EPC2: variants seen among roughly 807,000 people sequenced by gnomAD.
The protein encoded by EPC2 is enhancer of polycomb 2, also known as enhancer of polycomb homolog 2.
EPC2 carries 14 observed loss-of-function variants against 92.1 expected under a neutral mutation model. The ratio of observed to expected loss-of-function variants is 0.15; its 90% CI spans 0.10 to 0.24. EPC2 has a LOEUF of 0.24. Ranked by LOEUF, EPC2 falls within the 10% of genes least tolerant of loss-of-function variation. The pLI is 1.00. For synonymous variants in EPC2, 340 were observed against 334.7 expected, an observed-to-expected ratio of 1.02 and a Z score of -0.17; for missense variants, 755 against 971.5, an observed-to-expected ratio of 0.78 and a Z score of 2.96.
intron 1 of EPC2, among the ~76,000 whole-genome samples, chr2:148,653,856 G>C (rs1680734950): frequency 6.6e-6 from 1 of 151,874 alleles, no homozygotes; most frequent in African/African-American, 2.4e-5. Flanking sequence ...CTTGCCTTAT[G>C]GGTGAGGTAA....
chr2:148,674,035 GCTT>G (rs933569577), intron 1 of EPC2, among the ~76,000 whole-genome samples: 13 of 152,122 alleles, frequency 8.5e-5, no homozygotes, highest in Middle Eastern at 3.2e-3. Flanking sequence ...CTGTTTGCCT[GCTT>G]CTTTTTTTCT....
At chr2:148,671,784 C>G (rs908708330) in intron 1 of EPC2, among the ~76,000 whole-genome samples, 13 of 152,046 alleles carry the variant, frequency 8.6e-5, no homozygotes, top group African/African-American at 3.1e-4. Flanking sequence ...CACAAAAATT[C>G]AGCTTATTCT....
At chr2:148,671,287 A>ATTTTTTTTTT in intron 1 of EPC2, among the ~76,000 whole-genome samples, 1 of 127,092 alleles carries the variant, frequency 7.9e-6, no homozygotes. Flanking sequence ...GTGGATTGTG[A>ATTTTTTTTTT]TTTTTTTTTT....
At chr2:148,658,607 G>GTATATATATATATATA (rs3076616) in intron 1 of EPC2, among the ~76,000 whole-genome samples, 162 of 141,224 alleles carry the variant, frequency 1.1e-3, no homozygotes, top group Admixed American at 3.8e-3. Flanking sequence ...GTGTGTGTGT[G>GTATATATATATATATA]TATATATATA....
chr2:148,693,753 GC>G (rs1310035743), intron 2 of EPC2, among the ~76,000 whole-genome samples: 8 of 152,116 alleles, frequency 5.3e-5, no homozygotes, highest in African/African-American at 1.9e-4. Context: ...TTTGAGTTAT[GC>G]CTTATTTTGT....
At chr2:148,708,863 T>A (rs1475300107) in intron 2 of EPC2, among the ~76,000 whole-genome samples, 1 of 152,096 alleles carries the variant, frequency 6.6e-6, no homozygotes, top group Admixed American at 6.6e-5. Flanking sequence ...TAAGAGCTAT[T>A]TATGACAAAC....
intron 1 of EPC2, among the ~76,000 whole-genome samples, chr2:148,649,208 G>A (rs1680606523): frequency 6.6e-6 from 1 of 152,004 alleles, no homozygotes; most frequent in Non-Finnish European, 1.5e-5. Flanking sequence ...TTTTTTTGAA[G>A]TATACTTTAC....
intron 2 of EPC2, among the ~76,000 whole-genome samples, chr2:148,708,176 T>A (rs969436349): frequency 1.3e-4 from 20 of 152,086 alleles, no homozygotes; most frequent in African/African-American, 4.6e-4. Context: ...CCACCTGCCC[T>A]ACGGAAGTAC....
At chr2:148,663,363 T>G (rs1222073220) in intron 1 of EPC2, among the ~76,000 whole-genome samples, 1 of 150,726 alleles carries the variant, frequency 6.6e-6, no homozygotes, top group Non-Finnish European at 1.5e-5. Flanking sequence ...GGACCATAGG[T>G]GCCTGCCACC....
chr2:148,784,861 T>C lies in EPC2; in HGVS notation c.2211T>C (p.Ser737=). 1.9e-6 allele frequency: 3 copies of C among 1,613,478 alleles called. No homozygotes were observed. The highest frequency in any genetic ancestry group is 2.2e-5 in the East Asian group (1 of 44,878). Residue 737 remains serine (S), a synonymous_variant, in exon 13 of 14, where the codon AGT becomes AGC. Coordinates refer to ENST00000258484, the MANE Select transcript of EPC2 (RefSeq NM_015630.4). ...LTNAVHLNNV[S]VVSPVNVHIN... is the part of the protein sequence containing the mutation. ...ATGCAGTGCACCTCAATAATGTCAG[T>C]GTTGTTTCTCCAGTCAATGTGCATA... is the stretch of plus-strand genomic sequence containing the variant.
At chr2:148,764,517 C>T (rs551058666) in intron 6 of EPC2, among the ~76,000 whole-genome samples, 2 of 152,134 alleles carry the variant, frequency 1.3e-5, no homozygotes, top group South Asian at 4.2e-4. Context: ...AAAAGATTAC[C>T]ATCCATAGAA....
chr2:148,750,274 T>TGGATTAGTATCAC (rs1683061862), intron 3 of EPC2, among the ~76,000 whole-genome samples: 1 of 152,130 alleles, frequency 6.6e-6, no homozygotes, highest in South Asian at 2.1e-4. Flanking sequence ...TGTGTTTTAA[T>TGGATTAGTATCAC]GGATTAGTAT....
At chr2:148,705,690 G>A (rs561280501) in intron 2 of EPC2, among the ~76,000 whole-genome samples, 2 of 152,202 alleles carry the variant, frequency 1.3e-5, no homozygotes, top group Admixed American at 1.3e-4. Flanking sequence ...AGCCTCTGCT[G>A]GTGATACCCA....
chr2:148,672,429 C>CGGA (rs1374249179), intron 1 of EPC2, among the ~76,000 whole-genome samples: 1 of 152,160 alleles, frequency 6.6e-6, no homozygotes, highest in African/African-American at 2.4e-5. Flanking sequence ...CACATGCTGA[C>CGGA]TTCCCTTTGT....
At chr2:148,675,984 A>AT (rs1681254259) in intron 1 of EPC2, among the ~76,000 whole-genome samples, 1 of 152,134 alleles carries the variant, frequency 6.6e-6, no homozygotes, top group African/African-American at 2.4e-5. Flanking sequence ...AAGGATTCAA[A>AT]TTTCATTCTT....
chr2:148,682,369 CCTCT>C (rs1355200958), intron 1 of EPC2, among the ~76,000 whole-genome samples: 6 of 152,204 alleles, frequency 3.9e-5, no homozygotes, highest in Non-Finnish European at 8.8e-5. Flanking sequence ...TTCTCCACAT[CCTCT>C]CTACCTTGTC....
chr2:148,663,825 A>G (rs2105356629), intron 1 of EPC2, among the ~76,000 whole-genome samples: 1 of 152,204 alleles, frequency 6.6e-6, no homozygotes, highest in African/African-American at 2.4e-5. Flanking sequence ...AGGAATGCAC[A>G]ACCTAGATCC....
Position 148,661,056 on chromosome 2 carries a change from T to C in EPC2, c.153+15886T>C, listed in dbSNP as rs147428392. 1.8e-3 allele frequency among the ~76,000 whole-genome samples: 267 copies of C among 152,276 alleles called. 1 individual carries two copies. Among genetic ancestry groups the C allele is most frequent in the Middle Eastern group, 6.8e-3 (2 of 294 alleles). On this transcript the variant is annotated intron_variant, in intron 1 of 13. Coordinates refer to ENST00000258484, the MANE Select transcript of EPC2 (RefSeq NM_015630.4). ...TCAGAGTTTACTGGCAATTGTTTCT[T>C]ATTTTTTCATATGAACTTTATCATT...
chr2:148,703,622 AG>A (rs1681931921), intron 2 of EPC2, among the ~76,000 whole-genome samples: 1 of 152,046 alleles, frequency 6.6e-6, no homozygotes, highest in South Asian at 2.1e-4. Context: ...TTGACCTCCC[AG>A]GCTCTAGCAC....
Sources: allele counts gnomAD v4.1 joint callset (sites outside exome capture counted in the v4.1 genomes callset), GRCh38; gene constraint gnomAD v4.1.1; transcripts MANE v1.5; gene names NCBI Gene and HGNC (gene_info 2026-07-23, HGNC 2026-07-21).